The following CDCP1 variants were observed in gnomAD, a reference collection of about 807,000 sequenced individuals.
CDCP1 encodes CUB domain-containing protein 1.
Under a neutral mutation model 60.2 loss-of-function variants are expected in CDCP1, and 29 were observed. The observed-to-expected ratio is 0.48, with a 90% CI of 0.36 to 0.66. The LOEUF (loss-of-function observed/expected upper bound fraction) is 0.66, where lower values mean the gene tolerates loss of function less well. CDCP1 is among the 30% of genes least tolerant of loss of function. The pLI, the probability that CDCP1 is intolerant of heterozygous loss-of-function variation, is 0.00. For missense variants in CDCP1, 876 were observed against 1,074.3 expected (o/e 0.82, Z 2.58); for synonymous variants, 387 against 431.1 (o/e 0.90, Z 1.27).
At chr3:45,114,413 C>CTTTTTTTTT (rs10688307) in intron 2 of CDCP1, among the ~76,000 whole-genome samples, 4 of 143,944 alleles carry the variant, frequency 2.8e-5, no homozygotes, top group Non-Finnish European at 1.5e-5. Context: ...CATTAACTCT[C>CTTTTTTTTT]TTTTTTTTTT....
chr3:45,085,332 G>T lies in CDCP1; in HGVS notation c.*306C>A. ...CTCTGTTTAACACTCTGAATCCAGG[G>T]CTTGCTGCAACCCTATGCTAGGTGA... is the stretch of plus-strand genomic sequence containing the variant. On this transcript the variant is annotated 3_prime_UTR_variant, in exon 9 of 9. Coordinates refer to ENST00000296129, the MANE Select transcript of CDCP1 (RefSeq NM_022842.5). The surrounding 1 kb of genome is among the most constrained non-coding windows in gnomAD (Gnocchi z 4.2). 3.2e-6 allele frequency: 1 copy of T among 311,928 alleles called. No homozygotes were observed. Among genetic ancestry groups the T allele is most frequent in the South Asian group, 4.9e-5 (1 of 20,460 alleles). 19.3% of individuals were successfully genotyped at this position (311,928 alleles called of 1,614,324 possible).
At chr3:45,098,319 C>T (rs1008312467) in intron 4 of CDCP1, among the ~76,000 whole-genome samples, 2 of 152,094 alleles carry the variant, frequency 1.3e-5, no homozygotes, top group Non-Finnish European at 2.9e-5. Flanking sequence ...CTGCTTTAGC[C>T]TCCTGAGTAT....
At chr3:45,138,120 T>A (rs1239331833) in intron 1 of CDCP1, among the ~76,000 whole-genome samples, 1 of 152,198 alleles carries the variant, frequency 6.6e-6, no homozygotes, top group African/African-American at 2.4e-5. Flanking sequence ...AGCATGACAA[T>A]TAAGTTGTTA....
chr3:45,095,503 C>G lies in CDCP1; in HGVS notation c.1090G>C (p.Val364Leu). 6.2e-7 allele frequency: 1 copy of G among 1,614,130 alleles called. No homozygotes were observed. Among genetic ancestry groups the G allele is most frequent in the South Asian group, 1.1e-5 (1 of 91,080 alleles). ...AMSLTIEPRP[V>L]KQSRKFVPGC... ...GGGACAAACTTGCGGCTCTGTTTGA[C>G]GGGCCGTGGCTCGATGGTGAGTGAC... The change falls in exon 5 of 9, where the codon GTC becomes CTC. Residue 364 changes from valine (V) to leucine (L), a missense_variant. Physicochemically the swap from Val to Leu is conservative, Grantham distance 32. Transcript: ENST00000296129.
intron 1 of CDCP1, among the ~76,000 whole-genome samples, chr3:45,129,155 C>T (rs1010241017): frequency 6.6e-6 from 1 of 152,236 alleles, no homozygotes; most frequent in African/African-American, 2.4e-5. Context: ...TCTTCTGTTG[C>T]ATTTTTCCCT....
In CDCP1 at chr3:45,091,323, C is replaced by T; in HGVS notation, c.1843G>A (p.Ala615Thr). Reference sequence around the variant, plus strand: ...TCGTCCAGGCTGAAGATCTCCTCAGCCCGGGTCCGCTGCTCCTGGATGATC... The same window carrying T: ...TCGTCCAGGCTGAAGATCTCCTCAGTCCGGGTCCGCTGCTCCTGGATGATC... ...FMIIQEQRTR[A>T]EEIFSLDEDV... Residue 615 changes from alanine (A) to threonine (T), a missense_variant, in exon 7 of 9, where the codon GCT (alanine) becomes ACT (threonine). Physicochemically the swap from Ala to Thr is moderately conservative, Grantham distance 58. This residue lies in a region of CDCP1 where 726 missense variants were observed against 935.7 expected (regional missense o/e 0.78). Coordinates refer to ENST00000296129, the MANE Select transcript of CDCP1 (RefSeq NM_022842.5). This position sits in a 1 kb window ranked among gnomAD's most constrained non-coding sequence, Gnocchi z 4.8. 6.2e-7 allele frequency: 1 copy of T among 1,614,122 alleles called. No individual in the cohort carries two copies. The highest frequency in any genetic ancestry group is 1.1e-5 in the South Asian group (1 of 91,080).
chr3:45,128,310 A>C (rs1272692655), intron 1 of CDCP1, among the ~76,000 whole-genome samples: 2 of 152,202 alleles, frequency 1.3e-5, no homozygotes, highest in Non-Finnish European at 2.9e-5. Flanking sequence ...CAAAATGTTG[A>C]TGAAGGCCGA....
intron 8 of CDCP1, among the ~76,000 whole-genome samples, chr3:45,087,917 G>A (rs1261766444): frequency 6.6e-6 from 1 of 152,102 alleles, no homozygotes; most frequent in Non-Finnish European, 1.5e-5. Flanking sequence ...AGCTACTCGG[G>A]AGGCTGAGGC....
chr3:45,132,128 C>T (rs1016967930), intron 1 of CDCP1, among the ~76,000 whole-genome samples: 2 of 151,472 alleles, frequency 1.3e-5, no homozygotes, highest in Admixed American at 6.6e-5. Context: ...CCCAGCTACT[C>T]GGGAGGCTGA....
intron 1 of CDCP1, among the ~76,000 whole-genome samples, chr3:45,120,604 G>C (rs1311087154): frequency 1.3e-5 from 2 of 152,162 alleles, no homozygotes; most frequent in Non-Finnish European, 2.9e-5. Context: ...CTGGGCACCA[G>C]GGCACTGCCA....
At chr3:45,144,297 T>A (rs1699344230) in intron 1 of CDCP1, among the ~76,000 whole-genome samples, 1 of 152,200 alleles carries the variant, frequency 6.6e-6, no homozygotes, top group African/African-American at 2.4e-5. Flanking sequence ...TGGCTTTCTG[T>A]ATCCTTTCAG....
chr3:45,114,484 T>G (rs1698752124), intron 2 of CDCP1, among the ~76,000 whole-genome samples: 2 of 152,044 alleles, frequency 1.3e-5, no homozygotes, highest in Non-Finnish European at 2.9e-5. Flanking sequence ...TGGCACCATC[T>G]TGGCTCACTG....
At chr3:45,115,290 C>A (rs1261931935) in intron 2 of CDCP1, among the ~76,000 whole-genome samples, 1 of 152,054 alleles carries the variant, frequency 6.6e-6, no homozygotes, top group Non-Finnish European at 1.5e-5. Context: ...TCACCTGTTC[C>A]CCTCTGCCAT....
At chr3:45,112,983 A>G (rs1698725635) in intron 2 of CDCP1, among the ~76,000 whole-genome samples, 1 of 152,196 alleles carries the variant, frequency 6.6e-6, no homozygotes, top group Admixed American at 6.5e-5. Flanking sequence ...AGGTCACCAG[A>G]CTTGAGACAT....
chr3:45,087,946 C>T lies in CDCP1; in HGVS notation c.2081+1108G>A, dbSNP rs185719364. Among the ~76,000 whole-genome samples the T allele has an allele frequency of 6.7e-4, 101 of 151,712 alleles. 4 individuals are homozygous for T. In the East Asian group the frequency reaches 0.015, roughly 23 times the overall value. ...CTGAGGCAGGGGAATCGCTTGAACC[C>T]GGGAGGCGGAGGTTGCGGTGAGCCG... On this transcript the variant is annotated intron_variant, in intron 8 of 8. Transcript: ENST00000296129.
At chr3:45,130,863 G>A (rs570319566) in intron 1 of CDCP1, among the ~76,000 whole-genome samples, 1 of 152,148 alleles carries the variant, frequency 6.6e-6, no homozygotes, top group East Asian at 1.9e-4. Context: ...TGGAAGGTAT[G>A]CTTCATTTTT....
At chr3:45,109,090 C>T (rs1287217001) in intron 4 of CDCP1, among the ~76,000 whole-genome samples, 1 of 150,798 alleles carries the variant, frequency 6.6e-6, no homozygotes, top group Non-Finnish European at 1.5e-5. Flanking sequence ...GTTGGGATTA[C>T]AGGTGCGCGC....
At position 45,094,543 on chromosome 3, in the gene CDCP1, G is replaced by A. The variant is rs143292147; in HGVS notation, c.1246+804C>T. Among the ~76,000 whole-genome samples the A allele has an allele frequency of 1.1e-3, 164 of 152,292 alleles. 4 individuals are homozygous for A. The East Asian group carries it at 0.028, about 26-fold the overall frequency. On this transcript the variant is annotated intron_variant, in intron 5 of 8. Transcript: ENST00000296129. ...CCCAAAGTGCTGGGATTACAGGCAT[G>A]AGCCACTGTGCCTGGCCAATCAAAC...
Position 45,095,471 on chromosome 3 carries a change from A to G in CDCP1, c.1122T>C (p.Cys374=). Residue 374 remains cysteine, a synonymous_variant, in exon 5 of 9, where the codon TGT becomes TGC. Transcript: ENST00000296129. ...AGGTCCGAGATTCTAGACACACGAA[A>G]CAGCCAGGGACAAACTTGCGGCTCT... ...VKQSRKFVPG[C]FVCLESRTCS... is the part of the protein sequence containing the mutation. 1 of 1,614,188 alleles carries G rather than the reference A, an allele frequency of 6.2e-7. No individual in the cohort carries two copies. Among genetic ancestry groups the G allele is most frequent in the East Asian group, 2.2e-5 (1 of 44,876 alleles).
Sources: gnomAD v4.1 joint callset for allele counts (sites outside exome capture counted in the v4.1 genomes callset) on GRCh38, gnomAD v4.1.1 for gene constraint, gnomAD v4.1.1 regional missense constraint, Gnocchi (gnomAD v3.1) non-coding constraint, MANE v1.5 for transcripts, NCBI Gene and HGNC (gene_info 2026-07-23, HGNC 2026-07-21) for gene names.